The following ANAPC5 variants were observed in gnomAD, a reference collection of about 807,000 sequenced individuals.
ANAPC5 encodes anaphase promoting complex subunit 5.
ANAPC5 carries 60 observed loss-of-function variants against 91.3 expected under a neutral mutation model. The observed-to-expected ratio is 0.66, with a 90% CI of 0.53 to 0.81. ANAPC5 has a LOEUF of 0.81. Among genes scored for constraint, ANAPC5 ranks in the 40% least tolerant of loss-of-function variants. The pLI is 0.00. For synonymous variants in ANAPC5, 340 were observed against 364.1 expected (o/e 0.93, Z 0.75); for missense variants, 690 against 931.5 (o/e 0.74, Z 3.37).
chr12:121,309,169 G>C (rs1593568640), intron 16 of ANAPC5, among the ~76,000 whole-genome samples: 1 of 123,242 alleles, frequency 8.1e-6, no homozygotes, highest in Admixed American at 8.8e-5. Context: ...AAAAAAAAAA[G>C]GCCGGGCGCA....
In ANAPC5 at chr12:121,352,363, GGCCCGCGGC is replaced by G. The variant is rs1555275545; in HGVS notation, c.-32_-24del. 1 of 1,571,900 alleles carries G rather than the reference GGCCCGCGGC, an allele frequency of 6.4e-7. No individual in the cohort carries two copies. Among genetic ancestry groups the G allele is most frequent in the Admixed American group, 1.9e-5 (1 of 53,114 alleles). ...CATGGCGGCCCGAGACTAAGTCTCG[GGCCCGCGGC>G]GCGCTGCCGCCAGTTGTCACCACAA... On this transcript the variant is annotated 5_prime_UTR_variant, in exon 1 of 17. Transcript: ENST00000261819.
At chr12:121,320,590 A>T in intron 11 of ANAPC5, 131 bp from the exon 12 acceptor site, 1 of 624,752 alleles carries the variant, frequency 1.6e-6, no homozygotes, top group Non-Finnish European at 2.7e-6. Context: ...CTGGTCAGAG[A>T]CTCAAATTTC....
Position 121,347,014 on chromosome 12 carries a change from G to T in ANAPC5, c.288-9C>A. ...CAGCCATCAGTTTGATTCTGAATGA[G>T]AAAATCGAGGTGCATATTTTAGAAA... On this transcript the variant is annotated splice_polypyrimidine_tract_variant and intron_variant, in intron 2 of 16. Transcript: ENST00000261819. 6.4e-7 allele frequency: 1 copy of T among 1,572,836 alleles called. No homozygotes were observed. Among genetic ancestry groups the T allele is most frequent in the Non-Finnish European group, 8.7e-7 (1 of 1,154,144 alleles).
At chr12:121,352,715 T>TGGTGGTGGTGGTGGTGG (rs1555275616), upstream of ANAPC5, among the ~76,000 whole-genome samples, 11 of 30,626 alleles carry the variant, frequency 3.6e-4, no homozygotes, top group Non-Finnish European at 6.3e-4. Context: ...TTGGTTGTTG[T>TGGTGGTGGTGGTGGTGG]TGTTGGTGGT....
chr12:121,345,835 T>C lies in ANAPC5; in HGVS notation c.590+4A>G, dbSNP rs1903645512. The C allele has an allele frequency of 6.2e-7, 1 of 1,609,598 alleles. No homozygotes were observed. The highest frequency in any genetic ancestry group is 1.3e-5 in the African/African-American group (1 of 74,624). ...AAGGATCCCTGTCAGAAAAGCCAAA[T>C]TACCTTACAGATACATCAAGTTCTT... On this transcript the variant is annotated splice_donor_region_variant and intron_variant, in intron 4 of 16. Coordinates refer to ENST00000261819, the MANE Select transcript of ANAPC5 (RefSeq NM_016237.5).
chr12:121,348,854 A>T (rs1219898819), intron 1 of ANAPC5, among the ~76,000 whole-genome samples: 2 of 152,254 alleles, frequency 1.3e-5, no homozygotes, highest in Non-Finnish European at 2.9e-5. Flanking sequence ...TTTGGCATAC[A>T]TTGTTTGAAA....
intron 1 of ANAPC5, 33 bp from the exon 2 acceptor site, chr12:121,347,914 T>G: frequency 6.9e-7 from 1 of 1,441,784 alleles, no homozygotes; most frequent in Non-Finnish European, 9.8e-7. Context: ...GGTATGGATT[T>G]TAAAGAGCTG....
intron 5 of ANAPC5, among the ~76,000 whole-genome samples, chr12:121,339,757 C>G (rs998203055): frequency 1.1e-4 from 17 of 152,146 alleles, no homozygotes; most frequent in Non-Finnish European, 2.4e-4. Flanking sequence ...GCATGAGCTG[C>G]CACGCCCATC....
At chr12:121,329,444 G>A (rs1194878575) in intron 9 of ANAPC5, among the ~76,000 whole-genome samples, 2 of 151,970 alleles carry the variant, frequency 1.3e-5, no homozygotes, top group Non-Finnish European at 2.9e-5. Context: ...GAGCCACCAC[G>A]CCAGGCCGAT....
At chr12:121,348,993 A>G (rs1903779022) in intron 1 of ANAPC5, among the ~76,000 whole-genome samples, 1 of 152,208 alleles carries the variant, frequency 6.6e-6, no homozygotes, top group Non-Finnish European at 1.5e-5. Flanking sequence ...GGCCTGGCGC[A>G]GTGGCTCACG....
chr12:121,335,835 T>G, intron 6 of ANAPC5, 112 bp from the exon 7 acceptor site: 1 of 841,400 alleles, frequency 1.2e-6, no homozygotes, highest in Non-Finnish European at 1.8e-6. Flanking sequence ...ACCCTTCTAA[T>G]AAGATGGTCA....
chr12:121,327,996 C>T (rs1245114044), intron 10 of ANAPC5: 2 of 227,438 alleles, frequency 8.8e-6, no homozygotes, highest in Non-Finnish European at 1.7e-5. Flanking sequence ...GGTTTGAGTC[C>T]TTTCTCTGTC....
chr12:121,335,259 G>A (rs1201879989), intron 7 of ANAPC5: 5 of 210,484 alleles, frequency 2.4e-5, no homozygotes, highest in South Asian at 1.5e-4. Flanking sequence ...TCCACCTCCC[G>A]GGTTCAAGCG....
At chr12:121,312,334 C>G (rs2948124) in intron 15 of ANAPC5, among the ~76,000 whole-genome samples, 4,527 of 152,048 alleles carry the variant, frequency 0.03, 241 homozygotes, top group African/African-American at 0.1. Flanking sequence ...GAGGCTGAGG[C>G]GGGTGGATCA....
At chr12:121,352,994 T>G (rs1017459564), upstream of ANAPC5, among the ~76,000 whole-genome samples, 1 of 152,178 alleles carries the variant, frequency 6.6e-6, no homozygotes, top group Non-Finnish European at 1.5e-5. Context: ...AAGTATGTAT[T>G]TATTATGTTA....
At chr12:121,340,613 TGCAACCTCCGCTCACC>T (rs1257615473) in intron 5 of ANAPC5, among the ~76,000 whole-genome samples, 5 of 151,416 alleles carry the variant, frequency 3.3e-5, no homozygotes, top group Non-Finnish European at 5.9e-5. Flanking sequence ...CTTGGCTCAC[TGCAACCTCCGCTCACC>T]GCAACCTCCA....
At position 121,342,740 on chromosome 12, in the gene ANAPC5, T is replaced by A. The variant is rs1903505996; in HGVS notation, c.591-671A>T. On this transcript the variant is annotated intron_variant, in intron 4 of 16. Transcript: ENST00000261819. This position sits in a 1 kb window ranked among gnomAD's most constrained non-coding sequence, Gnocchi z 4.1. The stretch of plus-strand genomic sequence containing the variant: ...CAAGTGTGGTAGTGCGTGCCTGTAG[T>A]CCCAGCTACTCAGGAGGCTGAGGCA... Among the ~76,000 whole-genome samples, 1 of 152,068 alleles carries A rather than the reference T, an allele frequency of 6.6e-6. No individual in the cohort carries two copies.
upstream of ANAPC5, among the ~76,000 whole-genome samples, chr12:121,352,619 T>G (rs1257752750): frequency 6.9e-6 from 1 of 145,914 alleles, no homozygotes; most frequent in African/African-American, 2.5e-5. Context: ...CCAGGCTACG[T>G]GGACAGGGAC....
In ANAPC5 at chr12:121,320,710, C is replaced by T. The variant is rs375682791; in HGVS notation, c.1441-251G>A. On this transcript the variant is annotated intron_variant, in intron 11 of 16. Transcript: ENST00000261819. ...CTCCGCTTCCCGGGTTCACGCCATT[C>T]TCCTGCCTCAGCCTCCTGAGTAGCT... The T allele has an allele frequency of 3.7e-3, 1,025 of 274,592 alleles. 7 individuals are homozygous for T. The highest frequency in any genetic ancestry group is 0.021 in the African/African-American group (979 of 45,870). 17.0% of individuals were successfully genotyped at this position (274,592 alleles called of 1,614,324 possible).
Sources: gnomAD v4.1 joint callset for allele counts (sites outside exome capture counted in the v4.1 genomes callset) on GRCh38, gnomAD v4.1.1 for gene constraint, Gnocchi (gnomAD v3.1) non-coding constraint, MANE v1.5 for transcripts, NCBI Gene and HGNC (gene_info 2026-07-23, HGNC 2026-07-21) for gene names.